The following BPI variants were observed in gnomAD, a reference collection of about 807,000 sequenced individuals.
The protein encoded by BPI is bactericidal permeability-increasing protein.
A neutral mutation model predicts 57.6 loss-of-function variants in BPI; 48 were observed. The observed-to-expected ratio is 0.83, with a 90% CI of 0.66 to 1.06. The LOEUF is 1.06. Ranked by LOEUF, BPI falls within the 50% of genes least tolerant of loss-of-function variation. The pLI is 0.00. For synonymous variants in BPI, 237 were observed against 238.2 expected (o/e 0.99, Z 0.05); for missense variants, 651 against 609.7 (o/e 1.07, Z -0.71).
intron 5 of BPI, 122 bp downstream of exon 5, chr20:38,312,059 T>C (rs1337192717): frequency 1.1e-6 from 1 of 948,168 alleles, no homozygotes. Context: ...TTATGGCCCT[T>C]TGAAACCACA....
At chr20:38,309,202 T>C (rs2076610816) in intron 3 of BPI, 144 bp downstream of exon 3, 5 of 1,221,870 alleles carry the variant, frequency 4.1e-6, no homozygotes, top group Non-Finnish European at 5.8e-6. Context: ...ATTCTTCACA[T>C]GAGAAGATTC....
intron 10 of BPI, 60 bp from the exon 11 acceptor site, chr20:38,327,528 G>C: frequency 6.3e-7 from 1 of 1,591,320 alleles, no homozygotes; most frequent in South Asian, 1.1e-5. Flanking sequence ...TCTTGGTTTG[G>C]AGGCCTTGCA....
chr20:38,332,084 C>G (rs975522398), intron 12 of BPI, among the ~76,000 whole-genome samples: 1 of 152,114 alleles, frequency 6.6e-6, no homozygotes, highest in Non-Finnish European at 1.5e-5. Context: ...ATGAAGGGAG[C>G]CTGTGTGTCT....
intron 9 of BPI, among the ~76,000 whole-genome samples, chr20:38,325,409 C>T (rs1307654587): frequency 6.6e-6 from 1 of 152,194 alleles, no homozygotes; most frequent in Non-Finnish European, 1.5e-5. Context: ...GATTTGGTTT[C>T]TAGTGAGGGC....
intron 6 of BPI, 138 bp from the exon 7 acceptor site, chr20:38,320,045 G>T: frequency 1.4e-6 from 1 of 724,738 alleles, no homozygotes; most frequent in East Asian, 2.7e-5. Flanking sequence ...CTCCCTTAAG[G>T]AGAGCTCCCT....
chr20:38,318,277 G>T (rs780977947), intron 5 of BPI, 136 bp from the exon 6 acceptor site: 50 of 1,176,790 alleles, frequency 4.2e-5, no homozygotes, highest in African/African-American at 6.1e-5. Context: ...TGGCCAAAAA[G>T]AAAAGGGAAA....
At chr20:38,328,625 T>C (rs978746604) in intron 11 of BPI, among the ~76,000 whole-genome samples, 1 of 151,768 alleles carries the variant, frequency 6.6e-6, no homozygotes, top group Non-Finnish European at 1.5e-5. Flanking sequence ...TTAATATGTG[T>C]TGAAGTGTTT....
rs775397439 is a variant in BPI, at chr20:38,318,439, A to G, written c.627A>G (p.Val209=). The stretch of plus-strand genomic sequence containing the variant: ...TCTGCGAGAAAGTGACCAATTCTGT[A>G]TCCTCCGAGCTGCAACCTTATTTCC... ...SQVCEKVTNS[V]SSELQPYFQT... Residue 209 remains valine, a synonymous_variant, in exon 6 of 15, where the codon GTA becomes GTG. Transcript: ENST00000642449. The G allele has an allele frequency of 8.1e-6, 13 of 1,613,900 alleles. No individual in the cohort carries two copies. The South Asian group carries it at 1.3e-4, about 16-fold the overall frequency.
At position 38,337,000 on chromosome 20, in the gene BPI, A is replaced by C. The variant is rs921166730; in HGVS notation, c.1414-146A>C. 35 of 552,844 alleles carry C rather than the reference A, an allele frequency of 6.3e-5. No individual in the cohort carries two copies. In the East Asian group the frequency reaches 1.2e-3, roughly 19 times the overall value. The allele number at this position is 552,844 out of a possible 1,614,324, so 34.2% of individuals were successfully genotyped here. A position where few individuals can be genotyped will look rare whatever the true frequency, so the allele number is the denominator to read the frequency against. On this transcript the variant is annotated intron_variant, in intron 14 of 14. Transcript: ENST00000642449. ...TGTGGATGTGTAGATCCGGGCAGCGAAACACTGAGTGACCCCCACTGGCCC... is the reference window on the plus strand; with the variant it reads ...TGTGGATGTGTAGATCCGGGCAGCGCAACACTGAGTGACCCCCACTGGCCC...
Position 38,307,548 on chromosome 20 carries a change from C to T in BPI, c.131-19C>T. Reference sequence around the variant, plus strand: ...TCCAGGCTGTGCCTCTCACTGTCACCCCTGCCTTCTCCCTTCAGCCAGCCA... The same window carrying T: ...TCCAGGCTGTGCCTCTCACTGTCACTCCTGCCTTCTCCCTTCAGCCAGCCA... On this transcript the variant is annotated intron_variant, in intron 1 of 14. Transcript: ENST00000642449. 8 of 1,585,250 alleles carry T rather than the reference C, an allele frequency of 5.0e-6. No individual in the cohort carries two copies. The highest frequency in any genetic ancestry group is 6.9e-6 in the Non-Finnish European group (8 of 1,163,246).
At chr20:38,333,581 A>G in intron 12 of BPI, among the ~76,000 whole-genome samples, 1 of 151,796 alleles carries the variant, frequency 6.6e-6, no homozygotes, top group Middle Eastern at 3.2e-3. Flanking sequence ...CTATTTAATT[A>G]AAAAATGGAA....
intron 2 of BPI, among the ~76,000 whole-genome samples, 176 bp from the exon 3 acceptor site, chr20:38,308,754 C>T (rs1030529424): frequency 1.3e-5 from 2 of 152,192 alleles, no homozygotes; most frequent in African/African-American, 2.4e-5. Flanking sequence ...ACCTAAGCCA[C>T]TCCAGTTGCC....
At chr20:38,329,784 C>G (rs2076733353) in intron 11 of BPI, among the ~76,000 whole-genome samples, 2 of 152,134 alleles carry the variant, frequency 1.3e-5, no homozygotes, top group South Asian at 4.1e-4. Context: ...ATGATCTCAG[C>G]TCACTGCAAC....
chr20:38,336,131 A>C (rs968532511), intron 14 of BPI, among the ~76,000 whole-genome samples: 2 of 152,116 alleles, frequency 1.3e-5, no homozygotes, highest in African/African-American at 4.8e-5. Flanking sequence ...TTCCGTCTGC[A>C]TTTGACACTG....
At position 38,336,978 on chromosome 20, in the gene BPI, G is replaced by T. The variant is rs111610557; in HGVS notation, c.1414-168G>T. ...CAGATTCGCAGATGTTGGCAGCTGTGGATGTGTAGATCCGGGCAGCGAAAC... is the reference window on the plus strand; with the variant it reads ...CAGATTCGCAGATGTTGGCAGCTGTTGATGTGTAGATCCGGGCAGCGAAAC... On this transcript the variant is annotated intron_variant, in intron 14 of 14. Transcript: ENST00000642449. Among the ~76,000 whole-genome samples the T allele has an allele frequency of 5.5e-3, 830 of 152,124 alleles. 9 individuals carry two copies. Among genetic ancestry groups the T allele is most frequent in the African/African-American group, 0.019 (796 of 41,476 alleles).
chr20:38,309,110 C>T (rs201211140), intron 3 of BPI, 52 bp downstream of exon 3: 120 of 1,611,966 alleles, frequency 7.4e-5, no homozygotes, highest in Admixed American at 5.8e-4. Flanking sequence ...GATATTTGGA[C>T]GGGATTAGAG....
intron 8 of BPI, 75 bp downstream of exon 8, chr20:38,324,121 A>G (rs1022359861): frequency 1.5e-5 from 23 of 1,519,724 alleles, no homozygotes; most frequent in African/African-American, 7.0e-5. Context: ...ACAAATCTGG[A>G]AAAAGCTTTT....
chr20:38,313,913 T>A (rs1394511260), intron 5 of BPI, among the ~76,000 whole-genome samples: 1 of 150,876 alleles, frequency 6.6e-6, no homozygotes, highest in Non-Finnish European at 1.5e-5. Flanking sequence ...ATTCTGAGGA[T>A]GATAATGATG....
chr20:38,319,094 G>A (rs2076668069), intron 6 of BPI, among the ~76,000 whole-genome samples: 1 of 152,118 alleles, frequency 6.6e-6, no homozygotes, highest in Admixed American at 6.5e-5. Flanking sequence ...AATTTGCCAG[G>A]CATCATGGCA....
Sources: gnomAD v4.1 joint callset for allele counts (sites outside exome capture counted in the v4.1 genomes callset) on GRCh38, gnomAD v4.1.1 for gene constraint, MANE v1.5 for transcripts, NCBI Gene and HGNC (gene_info 2026-07-23, HGNC 2026-07-21) for gene names.